CSGALNACT1: variants seen among roughly 807,000 people sequenced by gnomAD.
CSGALNACT1 encodes the protein chondroitin sulfate N-acetylgalactosaminyltransferase 1.
In CSGALNACT1, 52 loss-of-function variants were observed where a neutral mutation model predicts 51.0. The observed-to-expected ratio is 1.02, with a 90% CI of 0.82 to 1.29. The LOEUF (loss-of-function observed/expected upper bound fraction) is 1.29. CSGALNACT1 is among the 50% of genes most tolerant of loss of function. CSGALNACT1 has a pLI of 0.00. For synonymous variants in CSGALNACT1, 341 were observed against 254.4 expected (o/e 1.34, Z -3.24); for missense variants, 935 against 679.2 (o/e 1.38, Z -4.19).
intron 1 of CSGALNACT1, among the ~76,000 whole-genome samples, chr8:19,641,128 CTTTTTT>C (rs56681695): frequency 1.3e-3 from 129 of 99,984 alleles, no homozygotes; most frequent in South Asian, 2.6e-3. Flanking sequence ...GGTGACTGGT[CTTTTTT>C]TTTTTTTTTT....
At chr8:19,565,047 G>A (rs1394534849) in intron 3 of CSGALNACT1, among the ~76,000 whole-genome samples, 2 of 152,180 alleles carry the variant, frequency 1.3e-5, no homozygotes, top group Non-Finnish European at 2.9e-5. Flanking sequence ...GGGACTGAAA[G>A]TGCCCACTAT....
chr8:19,655,432 C>T (rs1160314459), intron 1 of CSGALNACT1, among the ~76,000 whole-genome samples: 2 of 152,124 alleles, frequency 1.3e-5, no homozygotes, highest in African/African-American at 4.8e-5. Flanking sequence ...ACTATCATGG[C>T]TCACTGCAGC....
intron 1 of CSGALNACT1, among the ~76,000 whole-genome samples, chr8:19,619,294 G>C (rs1279283285): frequency 6.6e-6 from 1 of 151,816 alleles, no homozygotes; most frequent in Non-Finnish European, 1.5e-5. Context: ...GAGAAAGCAT[G>C]GCAGAGTTTG....
At chr8:19,658,597 G>A (rs998969608) in intron 1 of CSGALNACT1, among the ~76,000 whole-genome samples, 3 of 152,138 alleles carry the variant, frequency 2.0e-5, no homozygotes, top group African/African-American at 7.2e-5. Flanking sequence ...AGCTGTGCAT[G>A]GTGGTGCACA....
intron 1 of CSGALNACT1, among the ~76,000 whole-genome samples, chr8:19,742,570 C>T (rs543072849): frequency 1.1e-3 from 174 of 152,368 alleles, no homozygotes; most frequent in African/African-American, 4.1e-3. Flanking sequence ...TTGCTGCCCT[C>T]TCTGACTAGC....
intron 1 of CSGALNACT1, among the ~76,000 whole-genome samples, chr8:19,694,987 C>T (rs748456260): frequency 6.6e-6 from 1 of 152,170 alleles, no homozygotes; most frequent in Non-Finnish European, 1.5e-5. Flanking sequence ...GAGACAGATG[C>T]TGAGGGGTCA....
At chr8:19,543,328 T>A (rs769755534) in intron 3 of CSGALNACT1, among the ~76,000 whole-genome samples, 1 of 152,202 alleles carries the variant, frequency 6.6e-6, no homozygotes, top group Non-Finnish European at 1.5e-5. Flanking sequence ...AGTGTTAACA[T>A]AGCACGCCTG....
At chr8:19,455,055 A>G (rs1282219049) in intron 5 of CSGALNACT1, among the ~76,000 whole-genome samples, 2 of 152,250 alleles carry the variant, frequency 1.3e-5, no homozygotes, top group Non-Finnish European at 2.9e-5. Flanking sequence ...GCAGATATGC[A>G]AAGAAAATTG....
At chr8:19,522,487 A>G (rs148546612) in intron 3 of CSGALNACT1, among the ~76,000 whole-genome samples, 1 of 152,236 alleles carries the variant, frequency 6.6e-6, no homozygotes, top group Non-Finnish European at 1.5e-5. Flanking sequence ...TACAGATTCC[A>G]TTAGGGATCC....
chr8:19,446,543 A>G (rs2062150299), intron 5 of CSGALNACT1, among the ~76,000 whole-genome samples: 1 of 152,112 alleles, frequency 6.6e-6, no homozygotes, highest in Non-Finnish European at 1.5e-5. Context: ...AGTTACTGAG[A>G]GAGAGTCTCG....
intron 4 of CSGALNACT1, among the ~76,000 whole-genome samples, chr8:19,494,167 C>T (rs189775374): frequency 1.3e-5 from 2 of 152,320 alleles, no homozygotes; most frequent in Admixed American, 6.5e-5. Context: ...CCCTCTTCTT[C>T]TATCTAAACC....
chr8:19,440,383 T>A (rs1169948060), intron 5 of CSGALNACT1, among the ~76,000 whole-genome samples: 1 of 152,032 alleles, frequency 6.6e-6, no homozygotes, highest in Non-Finnish European at 1.5e-5. Flanking sequence ...TCAAGTGGGC[T>A]TCATCCCTGG....
At chr8:19,488,351 TTATATATATTTATATATACATA>T (rs1442273088) in intron 4 of CSGALNACT1, among the ~76,000 whole-genome samples, 1 of 124,546 alleles carries the variant, frequency 8.0e-6, no homozygotes, top group African/African-American at 2.9e-5. Flanking sequence ...CTCCATCTCA[TTATATATATTTATATATACATA>T]TATATATATA....
chr8:19,507,926 C>T (rs2154003216), intron 3 of CSGALNACT1, among the ~76,000 whole-genome samples: 1 of 152,358 alleles, frequency 6.6e-6, no homozygotes, highest in South Asian at 2.1e-4. Context: ...CGTGCCCGGC[C>T]CTCCTAGATG....
intron 1 of CSGALNACT1, among the ~76,000 whole-genome samples, chr8:19,678,168 T>C (rs1304287670): frequency 6.6e-6 from 1 of 152,160 alleles, no homozygotes; most frequent in Non-Finnish European, 1.5e-5. Context: ...ATATGTTTCC[T>C]AAATTGTTTT....
chr8:19,424,938 C>T (rs1452324513), intron 6 of CSGALNACT1, among the ~76,000 whole-genome samples: 2 of 152,190 alleles, frequency 1.3e-5, no homozygotes, highest in Non-Finnish European at 2.9e-5. Flanking sequence ...TCCCCCCTTC[C>T]AAGTAACCAG....
chr8:19,406,031 C>A (rs754364833), exon 10 of CSGALNACT1: 1 of 1,614,098 alleles, frequency 6.2e-7, no homozygotes, highest in Non-Finnish European at 8.5e-7. Flanking sequence ...AGGTGCACAT[C>A]CTCTCCGCCC....
chr8:19,668,077 G>C (rs147493731), intron 1 of CSGALNACT1, among the ~76,000 whole-genome samples: 1 of 152,148 alleles, frequency 6.6e-6, no homozygotes, highest in East Asian at 1.9e-4. Context: ...CTTTTCCAGA[G>C]AGAGAAATAC....
chr8:19,703,795 G>C (rs1386342864), intron 1 of CSGALNACT1, among the ~76,000 whole-genome samples: 2 of 152,180 alleles, frequency 1.3e-5, no homozygotes, highest in Non-Finnish European at 2.9e-5. Flanking sequence ...TCTACACCAA[G>C]TAATTTTTGT....
Sources: allele counts gnomAD v4.1 joint callset (sites outside exome capture counted in the v4.1 genomes callset), GRCh38; gene constraint gnomAD v4.1.1; transcripts MANE v1.5; gene names NCBI Gene and HGNC (gene_info 2026-07-23, HGNC 2026-07-21).